Variants in NPAS2 observed in about 807,000 individuals in gnomAD.
NPAS2 encodes neuronal PAS domain-containing protein 2.
Under a neutral mutation model 107.5 loss-of-function variants are expected in NPAS2, and 23 were observed. The ratio of observed to expected loss-of-function variants is 0.21; its 90% confidence interval spans 0.15 to 0.30. NPAS2 has a LOEUF of 0.30. Among genes scored for constraint, NPAS2 ranks in the 10% least tolerant of loss-of-function variants. NPAS2 has a pLI of 1.00. For missense variants in NPAS2, 756 were observed against 1,043.3 expected, an observed-to-expected ratio of 0.72 and a Z score of 3.79; for synonymous variants, 403 against 417.5, an observed-to-expected ratio of 0.97 and a Z score of 0.42.
At chr2:100,841,702 C>A (rs1677411579) in intron 1 of NPAS2, among the ~76,000 whole-genome samples, 1 of 152,126 alleles carries the variant, frequency 6.6e-6, no homozygotes, top group South Asian at 2.1e-4. Context: ...TACATTTACA[C>A]ATACACATAT....
intron 16 of NPAS2, chr2:100,985,070 A>G (rs1383241536): frequency 6.6e-6 from 1 of 152,248 alleles, no homozygotes; most frequent in East Asian, 1.9e-4. Flanking sequence ...AATGCCTAGA[A>G]GGACACCTGT....
At chr2:100,887,178 TC>T (rs2104670365) in intron 1 of NPAS2, among the ~76,000 whole-genome samples, 1 of 152,302 alleles carries the variant, frequency 6.6e-6, no homozygotes, top group Admixed American at 6.5e-5. Flanking sequence ...TGCTGGGCCC[TC>T]CTGAGACAAC....
At chr2:100,967,972 C>T (rs1676329432) in intron 10 of NPAS2, among the ~76,000 whole-genome samples, 1 of 152,200 alleles carries the variant, frequency 6.6e-6, no homozygotes, top group Non-Finnish European at 1.5e-5. Context: ...AGGATGAGCA[C>T]CAGGCAAACC....
chr2:100,856,837 G>C (rs11691441), intron 1 of NPAS2, among the ~76,000 whole-genome samples: 8,194 of 152,288 alleles, frequency 0.054, 303 homozygotes, highest in Middle Eastern at 0.12. Context: ...CTTGCACCCT[G>C]ACCTTTTCAG....
chr2:100,856,032 C>T (rs1321341159), intron 1 of NPAS2, among the ~76,000 whole-genome samples: 2 of 152,156 alleles, frequency 1.3e-5, no homozygotes, highest in African/African-American at 2.4e-5. Context: ...TCACATCTTC[C>T]AGTAATACAT....
At position 100,995,788 on chromosome 2, in the gene NPAS2, C is replaced by G; in HGVS notation, c.*206C>G. 1.3e-6 allele frequency: 2 copies of G among 1,548,038 alleles called. No individual in the cohort carries two copies. Among genetic ancestry groups the G allele is most frequent in the Non-Finnish European group, 1.7e-6 (2 of 1,145,930 alleles). On this transcript the variant is annotated 3_prime_UTR_variant, in exon 21 of 21. Transcript: ENST00000335681. ...AGGAATACTGACCGTGTTTCTCTTG[C>G]CTCCGAGGTTCTTGGGCACACTCTA...
At chr2:100,942,474 G>A (rs1674633227) in intron 5 of NPAS2, among the ~76,000 whole-genome samples, 1 of 152,062 alleles carries the variant, frequency 6.6e-6, no homozygotes, top group South Asian at 2.1e-4. Flanking sequence ...AGGTGCAGCT[G>A]CAGCTTAGAG....
intron 7 of NPAS2, among the ~76,000 whole-genome samples, chr2:100,954,670 AAAAAAAAAAAG>A (rs1360692111): frequency 1.7e-5 from 2 of 119,256 alleles, no homozygotes; most frequent in South Asian, 3.3e-4. Context: ...GTCTCAAAAA[AAAAAAAAAAAG>A]AAAAAAAAGA....
At chr2:100,821,989 T>G (rs756753300) in intron 1 of NPAS2, among the ~76,000 whole-genome samples, 4 of 152,242 alleles carry the variant, frequency 2.6e-5, no homozygotes, top group Non-Finnish European at 4.4e-5. Flanking sequence ...AGACGTTCAG[T>G]AATTATCTTC....
At position 100,873,652 on chromosome 2, in the gene NPAS2, C is replaced by G. The variant is rs987974433; in HGVS notation, c.-22-31081C>G. Among the ~76,000 whole-genome samples the G allele has an allele frequency of 5.3e-5, 8 of 152,146 alleles. 1 individual carries two copies. In the East Asian group the frequency reaches 1.6e-3, roughly 29 times the overall value. On this transcript the variant is annotated intron_variant, in intron 1 of 20. Coordinates refer to ENST00000335681, the MANE Select transcript of NPAS2 (RefSeq NM_002518.4). ...TGAAACACCATTTCATTTTCTTATG[C>G]TCTCTATAAAAATATTTTGTAACTA... is the stretch of plus-strand genomic sequence containing the variant.
At chr2:100,879,413 A>C (rs1286869772) in intron 1 of NPAS2, among the ~76,000 whole-genome samples, 1 of 152,118 alleles carries the variant, frequency 6.6e-6, no homozygotes, top group Non-Finnish European at 1.5e-5. Flanking sequence ...TATTAACTAC[A>C]ATCCTCATGT....
intron 2 of NPAS2, among the ~76,000 whole-genome samples, chr2:100,923,987 G>A (rs893020480): frequency 6.6e-6 from 1 of 152,090 alleles, no homozygotes; most frequent in Non-Finnish European, 1.5e-5. Flanking sequence ...GAGGTGCTTG[G>A]GTGGCTTGGG....
intron 4 of NPAS2, chr2:100,934,828 C>G: frequency 1.0e-6 from 1 of 985,454 alleles, no homozygotes; most frequent in African/African-American, 1.7e-5. Flanking sequence ...ATGGGTCTCT[C>G]TCCAGCTGCC....
At chr2:100,838,828 A>G (rs1380320935) in intron 1 of NPAS2, among the ~76,000 whole-genome samples, 1 of 152,154 alleles carries the variant, frequency 6.6e-6, no homozygotes, top group African/African-American at 2.4e-5. Context: ...GCTTTGCTCC[A>G]TTGCTTTGGA....
chr2:100,937,161 T>C (rs1346900574), intron 4 of NPAS2, among the ~76,000 whole-genome samples: 1 of 152,118 alleles, frequency 6.6e-6, no homozygotes, highest in African/African-American at 2.4e-5. Flanking sequence ...ACGGATCCAG[T>C]TGAGTTACGC....
intron 1 of NPAS2, among the ~76,000 whole-genome samples, chr2:100,875,385 A>G (rs928761358): frequency 6.6e-6 from 1 of 152,224 alleles, no homozygotes; most frequent in Admixed American, 6.5e-5. Flanking sequence ...ATTTAAAGAC[A>G]GTTAAAATGG....
intron 1 of NPAS2, among the ~76,000 whole-genome samples, chr2:100,848,440 G>C (rs1273718884): frequency 6.6e-6 from 1 of 152,140 alleles, no homozygotes; most frequent in African/African-American, 2.4e-5. Context: ...GGGATCCAAG[G>C]AAACTCATGA....
In NPAS2 at chr2:100,854,249, G is replaced by C. The variant is rs140453337; in HGVS notation, c.-23+33835G>C. Among the ~76,000 whole-genome samples the C allele has an allele frequency of 7.9e-3, 1,206 of 152,090 alleles. 18 individuals are homozygous for C. The highest frequency in any genetic ancestry group is 0.027 in the African/African-American group (1,115 of 41,462). ...TGGCGTGGCATGTAGCCTTAGAGAC[G>C]GGCTCCTAGGCATGGAGTGGGAGGA... On this transcript the variant is annotated intron_variant, in intron 1 of 20. Transcript: ENST00000335681.
At chr2:100,963,271 C>T (rs553772162) in intron 7 of NPAS2, among the ~76,000 whole-genome samples, 1 of 152,364 alleles carries the variant, frequency 6.6e-6, no homozygotes, top group East Asian at 1.9e-4. Context: ...GATGCCGAGA[C>T]ACCCCTACTT....
Sources: allele counts gnomAD v4.1 joint callset (sites outside exome capture counted in the v4.1 genomes callset), GRCh38; gene constraint gnomAD v4.1.1; transcripts MANE v1.5; gene names NCBI Gene and HGNC (gene_info 2026-07-23, HGNC 2026-07-21).